The following PCSK5 variants were observed in gnomAD, a reference collection of about 807,000 sequenced individuals.
PCSK5 encodes the protein proprotein convertase subtilisin/kexin type 5, also known as prohormone convertase 5.
PCSK5 carries 129 observed loss-of-function variants against 233.2 expected under a neutral mutation model. That is an observed-to-expected ratio of 0.55 (90% CI 0.48 to 0.64). PCSK5 has a LOEUF of 0.64. Ranked by LOEUF, PCSK5 falls within the 30% of genes least tolerant of loss-of-function variation. PCSK5 has a pLI of 0.00. For synonymous variants in PCSK5, 825 were observed against 879.2 expected (o/e 0.94, Z 1.09); for missense variants, 2,076 against 2,430.1 (o/e 0.85, Z 3.06).
chr9:75,977,858 A>T (rs1234285399), intron 2 of PCSK5, among the ~76,000 whole-genome samples: 1 of 151,862 alleles, frequency 6.6e-6, no homozygotes, highest in African/African-American at 2.4e-5. Flanking sequence ...TGATCCACCC[A>T]CCTCAGCCTC....
intron 7 of PCSK5, among the ~76,000 whole-genome samples, chr9:76,084,932 G>A (rs1418444071): frequency 1.3e-5 from 2 of 152,136 alleles, no homozygotes; most frequent in African/African-American, 4.8e-5. Context: ...GATGAATACA[G>A]TCAAACCTAA....
chr9:75,928,927 A>ATATTTATTTATTTATTTATT (rs71499119), intron 1 of PCSK5, among the ~76,000 whole-genome samples: 32 of 149,824 alleles, frequency 2.1e-4, no homozygotes, highest in African/African-American at 6.2e-4. Context: ...AAGGATTCTG[A>ATATTTATTTATTTATTTATT]TATTTATTTA....
At chr9:76,345,851 C>T (rs1213392041) in intron 35 of PCSK5, among the ~76,000 whole-genome samples, 2 of 152,150 alleles carry the variant, frequency 1.3e-5, no homozygotes, top group African/African-American at 4.8e-5. Flanking sequence ...TCCCGAGTAG[C>T]TGGGACTACA....
chr9:76,329,554 G>C (rs1367543588), intron 33 of PCSK5, among the ~76,000 whole-genome samples: 2 of 151,900 alleles, frequency 1.3e-5, no homozygotes, highest in African/African-American at 4.8e-5. Flanking sequence ...TACAGTCTTG[G>C]CTGGGCACGG....
intron 36 of PCSK5, among the ~76,000 whole-genome samples, chr9:76,353,578 G>T (rs867456854): frequency 6.6e-6 from 1 of 152,218 alleles, no homozygotes; most frequent in South Asian, 2.1e-4. Flanking sequence ...TCGCCACGTG[G>T]GAGTGATGAA....
At chr9:76,047,741 A>G (rs899884802) in intron 5 of PCSK5, among the ~76,000 whole-genome samples, 2 of 152,156 alleles carry the variant, frequency 1.3e-5, no homozygotes, top group Admixed American at 6.5e-5. Context: ...AAATGAATCT[A>G]TTTAAATTGA....
Position 76,161,095 on chromosome 9 carries a change from G to A in PCSK5, c.1619+1924G>A, listed in dbSNP as rs532085234. ...AGCCCGGAATCTGAAATCTTCATGT[G>A]CATTTTATTTCTGTGCTTAGACTTG... On this transcript the variant is annotated intron_variant, in intron 12 of 37. Coordinates refer to ENST00000674117, the MANE Select transcript of PCSK5 (RefSeq NM_001372043.1). Among the ~76,000 whole-genome samples the A allele has an allele frequency of 5.9e-5, 9 of 152,314 alleles. No individual in the cohort carries two copies. The South Asian group carries it at 1.0e-3, about 18-fold the overall frequency.
Position 76,228,340 on chromosome 9 carries a change from C to T in PCSK5, c.2729+735C>T, listed in dbSNP as rs1825964072. 2.6e-5 allele frequency among the ~76,000 whole-genome samples: 4 copies of T among 152,282 alleles called. No individual in the cohort carries two copies. The South Asian group carries it at 8.3e-4, about 32-fold the overall frequency. On this transcript the variant is annotated intron_variant, in intron 21 of 37. Transcript: ENST00000674117. ...CTCTTCCCAGTAAAAATAATCTCTT[C>T]CCAGCAAAAATTAACCATTTTTATG...
chr9:76,197,739 G>A (rs1824759174), intron 20 of PCSK5, among the ~76,000 whole-genome samples: 1 of 152,174 alleles, frequency 6.6e-6, no homozygotes, highest in African/African-American at 2.4e-5. Flanking sequence ...AGATGGTAGA[G>A]GTGGAACAGA....
intron 20 of PCSK5, among the ~76,000 whole-genome samples, chr9:76,225,043 G>C (rs1159829002): frequency 6.6e-6 from 1 of 152,176 alleles, no homozygotes; most frequent in Non-Finnish European, 1.5e-5. Context: ...AATATGAGGA[G>C]TTCTGCCCAT....
At chr9:76,179,951 C>G (rs143141302) in intron 15 of PCSK5, among the ~76,000 whole-genome samples, 1 of 150,306 alleles carries the variant, frequency 6.7e-6, no homozygotes, top group Non-Finnish European at 1.5e-5. Context: ...TCTTCTCTCA[C>G]GTTTGGAGGA....
chr9:76,276,415 A>T (rs968277007), intron 24 of PCSK5, among the ~76,000 whole-genome samples: 6 of 151,884 alleles, frequency 4.0e-5, no homozygotes, highest in Non-Finnish European at 8.8e-5. Flanking sequence ...CCCTCCCATT[A>T]CTCTTCGATT....
At chr9:75,928,095 T>A (rs1823580602) in intron 1 of PCSK5, among the ~76,000 whole-genome samples, 1 of 152,150 alleles carries the variant, frequency 6.6e-6, no homozygotes, top group East Asian at 1.9e-4. Flanking sequence ...GACTTAGAGT[T>A]GTGTGTAGAG....
chr9:76,198,211 G>T (rs926634102), intron 20 of PCSK5, among the ~76,000 whole-genome samples: 1 of 152,108 alleles, frequency 6.6e-6, no homozygotes, highest in Non-Finnish European at 1.5e-5. Context: ...TTCTTACAAG[G>T]TCTCTTCTCT....
intron 21 of PCSK5, among the ~76,000 whole-genome samples, chr9:76,230,499 A>G (rs1308256944): frequency 6.6e-6 from 1 of 152,170 alleles, no homozygotes; most frequent in Non-Finnish European, 1.5e-5. Flanking sequence ...TTTCCCCCCC[A>G]AACCAATCTG....
At chr9:76,275,003 T>C (rs1437888569) in intron 24 of PCSK5, among the ~76,000 whole-genome samples, 1 of 151,988 alleles carries the variant, frequency 6.6e-6, no homozygotes, top group Non-Finnish European at 1.5e-5. Flanking sequence ...AAGAACTCAC[T>C]CATTCCCAAG....
At chr9:76,266,164 A>G (rs1031080025) in intron 24 of PCSK5, among the ~76,000 whole-genome samples, 2 of 152,158 alleles carry the variant, frequency 1.3e-5, no homozygotes, top group African/African-American at 2.4e-5. Flanking sequence ...CATGTAATCC[A>G]CTGGTTTTAC....
At chr9:76,042,184 A>G (rs540851128) in intron 5 of PCSK5, among the ~76,000 whole-genome samples, 55 of 152,362 alleles carry the variant, frequency 3.6e-4, no homozygotes, top group Middle Eastern at 6.8e-3. Context: ...GAAAGAAAAA[A>G]CACCATGAAA....
intron 34 of PCSK5, among the ~76,000 whole-genome samples, chr9:76,337,761 A>T (rs1481613223): frequency 1.3e-5 from 2 of 152,112 alleles, no homozygotes. Flanking sequence ...GGTGTGAGCC[A>T]CTGCACCCAG....
Sources: gnomAD v4.1 joint callset for allele counts (sites outside exome capture counted in the v4.1 genomes callset) on GRCh38, gnomAD v4.1.1 for gene constraint, MANE v1.5 for transcripts, NCBI Gene and HGNC (gene_info 2026-07-23, HGNC 2026-07-21) for gene names.